The following GPR143 variants were observed in gnomAD, a reference collection of about 807,000 sequenced individuals.
GPR143 encodes the protein G protein-coupled receptor 143, also known as G-protein coupled receptor 143.
In GPR143, 8 loss-of-function variants were observed where a neutral mutation model predicts 27.6. The observed-to-expected ratio is 0.29, with a 90% CI of 0.17 to 0.52. The LOEUF (loss-of-function observed/expected upper bound fraction) is 0.52, where lower values mean the gene tolerates loss of function less well. Among genes scored for constraint, GPR143 ranks in the 20% least tolerant of loss-of-function variants. GPR143 has a pLI of 0.96. For synonymous variants in GPR143, 156 were observed against 153.2 expected (o/e 1.02, Z -0.13); for missense variants, 303 against 343.1 (o/e 0.88, Z 0.92).
chrX:9,771,393 G>A (rs76572995), intron 1 of GPR143, among the ~76,000 whole-genome samples: 376 of 111,490 alleles, frequency 3.4e-3, no homozygotes, highest in Non-Finnish European at 5.6e-3. Flanking sequence ...AGGGAGACAT[G>A]TGAAGTGGCA....
chrX:9,766,892 A>ATC (rs778384446), upstream of GPR143, among the ~76,000 whole-genome samples: 498 of 77,272 alleles, frequency 6.4e-3, 4 homozygotes, highest in Middle Eastern at 0.026. Flanking sequence ...GTGAGACCCT[A>ATC]TCTCTCTCTC....
At chrX:9,745,686 G>A (rs1781377345) in intron 5 of GPR143, among the ~76,000 whole-genome samples, 1 of 111,938 alleles carries the variant, frequency 8.9e-6, no homozygotes. Flanking sequence ...CCTCAGTACA[G>A]ACTCAGTCCC....
At position 9,765,842 on chromosome X, in the gene GPR143, G is replaced by A. The variant is rs1006071934; in HGVS notation, c.-25C>T. 3.2e-5 allele frequency: 34 copies of A among 1,057,047 alleles called. No individual in the cohort carries two copies. The highest frequency in any genetic ancestry group is 4.0e-5 in the Non-Finnish European group (33 of 820,670). 87.1% of individuals were successfully genotyped at this position (1,057,047 alleles called of 1,213,427 possible). On this transcript the variant is annotated 5_prime_UTR_variant, in exon 1 of 9. Coordinates refer to ENST00000467482, the MANE Select transcript of GPR143 (RefSeq NM_000273.3). ...TGGGCTGTGTTCGCGGACGCGGCTC[G>A]GGTGTGCCAGGACCCCGCCGGCCTG...
chrX:9,748,675 C>G lies in GPR143; in HGVS notation c.456-9G>C, dbSNP rs376437604. 315 of 1,142,589 alleles carry G rather than the reference C, an allele frequency of 2.8e-4. 1 individual carries two copies. In the African/African-American group the frequency reaches 5.3e-3, roughly 19 times the overall value. The allele number at this position is 1,142,589 out of a possible 1,213,427, so 94.2% of individuals were successfully genotyped here. On this transcript the variant is annotated splice_polypyrimidine_tract_variant and intron_variant, in intron 3 of 8. Transcript: ENST00000467482. The stretch of plus-strand genomic sequence containing the variant: ...GATACAGCAGGATGGTGCTAGGGGA[C>G]AAGCACAACAGCAGCCACAGCTCAG...
At position 9,746,078 on chromosome X, in the gene GPR143, C is replaced by T. The variant is rs770176722; in HGVS notation, c.624G>A (p.Ala208=). ...CTGTCTTTTGGAACAGGATGGGGTTCGCCACGAGAACCAGCAGCAGGGGCA... is the reference window on the plus strand; with the variant it reads ...CTGTCTTTTGGAACAGGATGGGGTTTGCCACGAGAACCAGCAGCAGGGGCA... ...MYLPLLLVLV[A]NPILFQKTVT... Residue 208 remains alanine, a synonymous_variant, in exon 5 of 9, where the codon GCG becomes GCA. Transcript: ENST00000467482. The T allele has an allele frequency of 5.8e-6, 7 of 1,199,814 alleles. No homozygotes were observed. Among genetic ancestry groups the T allele is most frequent in the East Asian group, 3.0e-5 (1 of 33,697 alleles).
At chrX:9,753,635 T>C (rs2083461381) in intron 3 of GPR143, among the ~76,000 whole-genome samples, 1 of 111,347 alleles carries the variant, frequency 9.0e-6, no homozygotes, top group Non-Finnish European at 1.9e-5. Flanking sequence ...CAGAAGGACA[T>C]GAACGTGGGG....
At chrX:9,731,655 T>C (rs1402813171) in intron 8 of GPR143, among the ~76,000 whole-genome samples, 2 of 110,545 alleles carry the variant, frequency 1.8e-5, no homozygotes, top group African/African-American at 3.3e-5. Flanking sequence ...GAAAGGGAAT[T>C]TGGGGAGAGC....
intron 3 of GPR143, among the ~76,000 whole-genome samples, chrX:9,750,394 G>A (rs1342695934): frequency 9.4e-6 from 1 of 106,006 alleles, no homozygotes; most frequent in Non-Finnish European, 1.9e-5. Context: ...TTTTTTTGTA[G>A]AGATGGGTCT....
intron 3 of GPR143, among the ~76,000 whole-genome samples, chrX:9,755,409 ACT>A (rs1187062847): frequency 2.7e-5 from 3 of 109,868 alleles, no homozygotes; most frequent in East Asian, 2.9e-4. Flanking sequence ...AAAGAGTGAA[ACT>A]CTATCTTTTT....
chrX:9,772,579 T>C (rs1371868498), intron 1 of GPR143, among the ~76,000 whole-genome samples: 1 of 109,907 alleles, frequency 9.1e-6, no homozygotes, highest in Non-Finnish European at 1.9e-5. Flanking sequence ...GAGGCTGAGG[T>C]GGGAGGATTG....
At chrX:9,753,953 C>T (rs1219015404) in intron 3 of GPR143, among the ~76,000 whole-genome samples, 6 of 111,841 alleles carry the variant, frequency 5.4e-5, no homozygotes, top group Non-Finnish European at 9.4e-5. Flanking sequence ...CACCCCACCC[C>T]GTTTCCCCCA....
chrX:9,730,192 C>T (rs770487708), intron 8 of GPR143, among the ~76,000 whole-genome samples: 3 of 111,530 alleles, frequency 2.7e-5, no homozygotes, highest in Admixed American at 9.6e-5. Context: ...GTATCCTCAT[C>T]GTTAAGTGTT....
In GPR143 at chrX:9,739,728, A is replaced by G. The variant is rs2083394470; in HGVS notation, c.886-9T>C. The G allele has an allele frequency of 1.9e-6, 2 of 1,079,662 alleles. No individual in the cohort carries two copies. Among genetic ancestry groups the G allele is most frequent in the African/African-American group, 3.6e-5 (2 of 55,040 alleles). The allele number at this position is 1,079,662 out of a possible 1,213,427, so 89.0% of individuals were successfully genotyped here. On this transcript the variant is annotated splice_polypyrimidine_tract_variant and intron_variant, in intron 7 of 8. Coordinates refer to ENST00000467482, the MANE Select transcript of GPR143 (RefSeq NM_000273.3). The stretch of plus-strand genomic sequence containing the variant: ...GCTGGATTCAGGATTCCCTGGAGAG[A>G]GGACAGAAAGACACATGGCAGTCAG...
At chrX:9,748,353 C>T (rs1361778168) in intron 4 of GPR143, among the ~76,000 whole-genome samples, 4 of 112,716 alleles carry the variant, frequency 3.5e-5, no homozygotes, top group Admixed American at 9.3e-5. Flanking sequence ...TGCACACAAA[C>T]GAGAAAGGCA....
Position 9,765,771 on chromosome X carries a change from G to A in GPR143, c.47C>T (p.Ala16Val). The A allele has an allele frequency of 8.9e-7, 1 of 1,124,558 alleles. No homozygotes were observed. Among genetic ancestry groups the A allele is most frequent in the Non-Finnish European group, 1.2e-6 (1 of 856,602 alleles). The allele number at this position is 1,124,558 out of a possible 1,213,427, so 92.7% of individuals were successfully genotyped here. A position where few individuals can be genotyped will look rare whatever the true frequency, so the allele number is the denominator to read the frequency against. ...GAAGCTCAGCACGAGCTGCGTGGCT[G>A]CGTCCCGCGTGGGGCAGCAGAAGGT... is the stretch of plus-strand genomic sequence containing the variant. ...LGTFCCPTRD[A>V]ATQLVLSFQP... The change falls in exon 1 of 9, where the codon GCA becomes GTA. Residue 16 changes from alanine (A) to valine (V), a missense_variant. Coordinates refer to ENST00000467482, the MANE Select transcript of GPR143 (RefSeq NM_000273.3).
At chrX:9,742,686 T>TG (rs1161758114) in intron 6 of GPR143, among the ~76,000 whole-genome samples, 1 of 111,448 alleles carries the variant, frequency 9.0e-6, no homozygotes, top group African/African-American at 3.3e-5. Flanking sequence ...ATACCAGTGG[T>TG]GGGGAAAAAT....
chrX:9,766,946 C>G (rs993558536), upstream of GPR143, among the ~76,000 whole-genome samples: 46 of 92,355 alleles, frequency 5.0e-4, no homozygotes, highest in East Asian at 7.5e-3. Flanking sequence ...CACACACACA[C>G]AGAATTAAGT....
At position 9,739,799 on chromosome X, in the gene GPR143, C is replaced by T. The variant is rs2083394859; in HGVS notation, c.886-80G>A. Reference sequence around the variant, plus strand: ...AGCCCTGGGCTGTCACAGAGTGACACACTCCCCCCAGGATGCCCACAGGGC... The same window carrying T: ...AGCCCTGGGCTGTCACAGAGTGACATACTCCCCCCAGGATGCCCACAGGGC... On this transcript the variant is annotated intron_variant, in intron 7 of 8. Transcript: ENST00000467482. The T allele has an allele frequency of 1.4e-5, 9 of 661,518 alleles. No homozygotes were observed. In the South Asian group the frequency reaches 2.1e-4, roughly 15 times the overall value. 54.5% of individuals were successfully genotyped at this position (661,518 alleles called of 1,213,427 possible).
intron 8 of GPR143, among the ~76,000 whole-genome samples, chrX:9,726,207 C>T (rs2083326731): frequency 1.8e-5 from 2 of 110,650 alleles, no homozygotes; most frequent in Non-Finnish European, 3.8e-5. Context: ...GAGCAGAACA[C>T]ACTCTTGTGA....
Sources: allele counts gnomAD v4.1 joint callset (sites outside exome capture counted in the v4.1 genomes callset), GRCh38; gene constraint gnomAD v4.1.1; transcripts MANE v1.5; gene names NCBI Gene and HGNC (gene_info 2026-07-23, HGNC 2026-07-21).